The following MACROH2A2 variants were observed in gnomAD, a reference collection of about 807,000 sequenced individuals.
MACROH2A2 encodes the protein core histone macro-H2A.2.
MACROH2A2 carries 6 observed loss-of-function variants against 37.6 expected under a neutral mutation model. The ratio of observed to expected loss-of-function variants is 0.16; its 90% CI spans 0.09 to 0.32. The LOEUF (loss-of-function observed/expected upper bound fraction) is 0.32, where lower values mean the gene tolerates loss of function less well. Among genes scored for constraint, MACROH2A2 ranks in the 10% least tolerant of loss-of-function variants. The pLI, the probability that MACROH2A2 is intolerant of heterozygous loss-of-function variation, is 1.00. For missense variants in MACROH2A2, 290 were observed against 485.9 expected (o/e 0.60, Z 3.79); for synonymous variants, 192 against 202.7 (o/e 0.95, Z 0.45).
intron 2 of MACROH2A2, among the ~76,000 whole-genome samples, chr10:70,076,164 T>C (rs1474166569): frequency 6.6e-6 from 1 of 152,192 alleles, no homozygotes; most frequent in Non-Finnish European, 1.5e-5. Flanking sequence ...GAAAATAAAC[T>C]GCAGGGAGAA....
intron 2 of MACROH2A2, among the ~76,000 whole-genome samples, chr10:70,079,565 G>GCGCGCGCA (rs1386558755): frequency 1.6e-5 from 2 of 126,216 alleles, no homozygotes; most frequent in African/African-American, 3.2e-5. Flanking sequence ...GCGCGCGCGC[G>GCGCGCGCA]CACACACACA....
rs142337631 is a variant in MACROH2A2 at position 70,054,911 on chromosome 10, C to T, written c.-60+1911C>T. Among the ~76,000 whole-genome samples, 226 of 152,326 alleles carry T rather than the reference C, an allele frequency of 1.5e-3. 1 individual carries two copies. The highest frequency in any genetic ancestry group is 5.2e-3 in the African/African-American group (218 of 41,568). On this transcript the variant is annotated intron_variant, in intron 1 of 8. Coordinates refer to ENST00000373255, the MANE Select transcript of MACROH2A2 (RefSeq NM_018649.3). ...GGTTTTTCCTATCCTACCACAGTTA[C>T]ACCTCACCTGGATCCATTAATTGTC...
chr10:70,090,195 A>G (rs1000940269), intron 3 of MACROH2A2, 29 bp downstream of exon 3: 5 of 1,458,248 alleles, frequency 3.4e-6, no homozygotes, highest in Non-Finnish European at 4.8e-6. Context: ...GGGAAGCCGT[A>G]GAATGGGTTT....
In MACROH2A2 at chr10:70,053,907, A is replaced by G. The variant is rs894111598; in HGVS notation, c.-60+907A>G. ...AGGAAAGGGCTCTGCCGGGCGCCGG[A>G]CGCCGTGCGTATCGCTCGCGGGGCG... On this transcript the variant is annotated intron_variant, in intron 1 of 8. Transcript: ENST00000373255. The surrounding 1 kb of genome is among the most constrained non-coding windows in gnomAD (Gnocchi z 4.8). Among the ~76,000 whole-genome samples the G allele has an allele frequency of 6.6e-6, 1 of 152,142 alleles. No individual in the cohort carries two copies. Among genetic ancestry groups the G allele is most frequent in the Non-Finnish European group, 1.5e-5 (1 of 68,004 alleles).
At chr10:70,090,520 A>G (rs1043797107) in intron 3 of MACROH2A2, among the ~76,000 whole-genome samples, 6 of 152,212 alleles carry the variant, frequency 3.9e-5, no homozygotes, top group Non-Finnish European at 8.8e-5. Context: ...GACTCTTTAT[A>G]TTTTAGAACT....
intron 2 of MACROH2A2, among the ~76,000 whole-genome samples, chr10:70,089,148 G>A (rs1036329697): frequency 1.3e-4 from 20 of 152,256 alleles, no homozygotes; most frequent in African/African-American, 4.8e-4. Context: ...GTCCAAGTGG[G>A]CACCCAGAAC....
intron 2 of MACROH2A2, among the ~76,000 whole-genome samples, chr10:70,079,671 ATCAGTTG>A (rs59695265): frequency 0.22 from 32,651 of 151,598 alleles, 3,896 homozygotes; most frequent in African/African-American, 0.32. Context: ...TTAGGTAGAG[ATCAGTTG>A]TCAAGGAGCA....
chr10:70,064,081 A>G (rs2072064791), intron 1 of MACROH2A2, among the ~76,000 whole-genome samples: 1 of 152,206 alleles, frequency 6.6e-6, no homozygotes, highest in African/African-American at 2.4e-5. Context: ...TCAAACAACT[A>G]CAAGAGGCTG....
Position 70,100,227 on chromosome 10 carries a change from TG to T in MACROH2A2, c.713del (p.Gly238GlufsTer8). On this transcript the variant is annotated frameshift_variant, in exon 7 of 9. Transcript: ENST00000373255. LOFTEE classifies it high-confidence loss of function. ...TTGCAGGTAAAGCCTTGGAAAAGGC[TG>T]GGGGAAAAGAGTTCTTGGAAACGGT... Reference protein sequence around the residue: ...EDIGKALEKAGGKEFLETVKE... With the variant: ...EDIGKALEKAXGKEFLETVKE... 1.9e-6 allele frequency: 3 copies of T among 1,608,068 alleles called. No individual in the cohort carries two copies. Among genetic ancestry groups the T allele is most frequent in the Non-Finnish European group, 2.6e-6 (3 of 1,174,866 alleles).
chr10:70,063,001 A>G (rs1412332975), intron 1 of MACROH2A2, among the ~76,000 whole-genome samples: 3 of 152,140 alleles, frequency 2.0e-5, no homozygotes, highest in Admixed American at 6.5e-5. Flanking sequence ...AAATTTAACA[A>G]AAACTAAATA....
chr10:70,104,298 C>T (rs542263420), intron 7 of MACROH2A2, among the ~76,000 whole-genome samples: 14 of 151,174 alleles, frequency 9.3e-5, no homozygotes, highest in Non-Finnish European at 1.9e-4. Context: ...GCAAGCAAGA[C>T]ATGAACCCAC....
At chr10:70,086,140 G>A (rs2072209711) in intron 2 of MACROH2A2, among the ~76,000 whole-genome samples, 1 of 151,910 alleles carries the variant, frequency 6.6e-6, no homozygotes, top group Non-Finnish European at 1.5e-5. Flanking sequence ...TGGGGTTATA[G>A]GCATGAGCCC....
At chr10:70,055,682 T>C (rs2072011213) in intron 1 of MACROH2A2, among the ~76,000 whole-genome samples, 1 of 152,224 alleles carries the variant, frequency 6.6e-6, no homozygotes, top group Non-Finnish European at 1.5e-5. Flanking sequence ...TACTTTCATA[T>C]ACTGCTGACT....
chr10:70,093,761 A>C lies in MACROH2A2; in HGVS notation c.504A>C (p.Glu168Asp). ...KKSKPKDSDK[E>D]GTSNSTSEDG... ...CCAAACCAAAGGACAGCGATAAAGA[A>C]GGAACTTCAAATTCCACCTCTGAAG... Residue 168 changes from glutamate to aspartate, a missense_variant, in exon 5 of 9, where the codon GAA becomes GAC. Around this residue, in one of 3 missense-constraint regions of MACROH2A2, gnomAD observed 77 missense variants for 68.9 expected, o/e 1.12. Transcript: ENST00000373255. 1 of 1,609,436 alleles carries C rather than the reference A, an allele frequency of 6.2e-7. No individual in the cohort carries two copies. Among genetic ancestry groups the C allele is most frequent in the Non-Finnish European group, 8.5e-7 (1 of 1,175,682 alleles).
At chr10:70,068,848 A>C (rs2072092995) in intron 1 of MACROH2A2, among the ~76,000 whole-genome samples, 1 of 152,144 alleles carries the variant, frequency 6.6e-6, no homozygotes. Flanking sequence ...TCTATTTGAA[A>C]CTTCATTTTG....
At chr10:70,089,318 C>T (rs558037156) in intron 2 of MACROH2A2, among the ~76,000 whole-genome samples, 16 of 152,272 alleles carry the variant, frequency 1.1e-4, no homozygotes, top group Non-Finnish European at 1.9e-4. Context: ...CAAAAGAAGT[C>T]TAGAAAAGAC....
At chr10:70,100,972 G>T (rs577099819) in intron 7 of MACROH2A2, among the ~76,000 whole-genome samples, 1 of 152,086 alleles carries the variant, frequency 6.6e-6, no homozygotes, top group African/African-American at 2.4e-5. Flanking sequence ...TTACAGTGTC[G>T]TGCAGCCATC....
chr10:70,072,826 G>T (rs924246381), intron 1 of MACROH2A2, among the ~76,000 whole-genome samples: 1 of 152,110 alleles, frequency 6.6e-6, no homozygotes, highest in Non-Finnish European at 1.5e-5. Flanking sequence ...GCATGGTGGT[G>T]CACACCGATA....
intron 2 of MACROH2A2, among the ~76,000 whole-genome samples, chr10:70,084,976 T>G (rs2072202190): frequency 6.6e-6 from 1 of 151,924 alleles, no homozygotes; most frequent in South Asian, 2.1e-4. Context: ...ACAACAAAAC[T>G]AGGGACGGGG....
Sources: gnomAD v4.1 joint callset for allele counts (sites outside exome capture counted in the v4.1 genomes callset) on GRCh38, gnomAD v4.1.1 for gene constraint, gnomAD v4.1.1 regional missense constraint, Gnocchi (gnomAD v3.1) non-coding constraint, MANE v1.5 for transcripts, NCBI Gene and HGNC (gene_info 2026-07-23, HGNC 2026-07-21) for gene names.